EPB41L4A: variants seen among roughly 807,000 people sequenced by gnomAD.
EPB41L4A encodes band 4.1-like protein 4A.
A neutral mutation model predicts 108.6 loss-of-function variants in EPB41L4A; 100 were observed. The observed-to-expected ratio is 0.92, with a 90% CI of 0.78 to 1.09. The LOEUF is 1.09. EPB41L4A is among the 50% of genes least tolerant of loss of function. The probability of loss-of-function intolerance (pLI) is 0.00; values close to 1 mark genes in which losing one functional copy is unlikely to be tolerated. For synonymous variants in EPB41L4A, 319 were observed against 289.0 expected (o/e 1.10, Z -1.05); for missense variants, 1,030 against 842.7 (o/e 1.22, Z -2.75).
At chr5:112,386,388 G>C (rs1366292818) in intron 1 of EPB41L4A, among the ~76,000 whole-genome samples, 1 of 152,058 alleles carries the variant, frequency 6.6e-6, no homozygotes, top group Non-Finnish European at 1.5e-5. Context: ...AATTAATAAT[G>C]TTGATTTCCA....
chr5:112,151,947 G>C (rs1759484847), intron 12 of EPB41L4A, among the ~76,000 whole-genome samples: 1 of 152,098 alleles, frequency 6.6e-6, no homozygotes, highest in Non-Finnish European at 1.5e-5. Flanking sequence ...GGCCAGGCTG[G>C]TCTTGAATTC....
At chr5:112,286,492 T>C (rs1298964377) in intron 2 of EPB41L4A, among the ~76,000 whole-genome samples, 3 of 152,316 alleles carry the variant, frequency 2.0e-5, no homozygotes, top group South Asian at 4.1e-4. Context: ...CAACAACTCC[T>C]TTCCCTTCCT....
chr5:112,170,099 G>A (rs557928015), intron 20 of EPB41L4A: 197 of 555,320 alleles, frequency 3.5e-4, no homozygotes, highest in Middle Eastern at 1.4e-3. Context: ...CAAAGAGGTG[G>A]CTAATAAGAG....
At chr5:112,243,210 G>A (rs115515927) in intron 9 of EPB41L4A, among the ~76,000 whole-genome samples, 2,169 of 144,702 alleles carry the variant, frequency 0.015, 45 homozygotes, top group African/African-American at 0.058. Context: ...ATGAGACTCT[G>A]TCTCGAAAAT....
chr5:112,213,074 G>C (rs1484966162), intron 12 of EPB41L4A, among the ~76,000 whole-genome samples: 1 of 152,118 alleles, frequency 6.6e-6, no homozygotes, highest in African/African-American at 2.4e-5. Flanking sequence ...TAATTTTTAA[G>C]ATGAAGCATT....
Position 112,234,748 on chromosome 5 carries a change from T to A in EPB41L4A, c.973A>T (p.Thr325Ser). 6.2e-7 allele frequency: 1 copy of A among 1,610,254 alleles called. No individual in the cohort carries two copies. Among genetic ancestry groups the A allele is most frequent in the Non-Finnish European group, 8.5e-7 (1 of 1,177,434 alleles). Residue 325 changes from threonine to serine, a missense_variant, in exon 12 of 23, where the codon ACA (threonine) becomes TCA (serine). By Grantham distance (58) the Thr-to-Ser change is moderately conservative (BLOSUM62 1). Coordinates refer to ENST00000261486, the MANE Select transcript of EPB41L4A (RefSeq NM_022140.5). ...AGATCTCGGCTCATTTGCAAAGCTG[T>A]CCTGCCACTTGAGAGTGCAACATTT... ...IRYKHRYSGR[T>S]ALQMSRDLSI...
chr5:112,262,089 G>A (rs1256465854), intron 7 of EPB41L4A, among the ~76,000 whole-genome samples: 5 of 151,680 alleles, frequency 3.3e-5, no homozygotes, highest in Admixed American at 2.6e-4. Context: ...TCAGGGTTTC[G>A]CCATGTTGGC....
intron 8 of EPB41L4A, among the ~76,000 whole-genome samples, 173 bp from the exon 9 acceptor site, chr5:112,259,465 A>G (rs1228307334): frequency 1.3e-5 from 2 of 152,198 alleles, no homozygotes; most frequent in African/African-American, 4.8e-5. Flanking sequence ...TGAAAACTCC[A>G]TTCTCATTGT....
At chr5:112,211,295 G>C (rs1241358921) in intron 12 of EPB41L4A, among the ~76,000 whole-genome samples, 1 of 152,102 alleles carries the variant, frequency 6.6e-6, no homozygotes, top group Admixed American at 6.5e-5. Flanking sequence ...TCTTAAAAGG[G>C]CAAGTGGGCC....
chr5:112,318,711 C>A (rs1394259762), intron 1 of EPB41L4A, among the ~76,000 whole-genome samples: 1 of 152,166 alleles, frequency 6.6e-6, no homozygotes, highest in Non-Finnish European at 1.5e-5. Flanking sequence ...TAGTTTGTTA[C>A]AGAGCTACAC....
intron 1 of EPB41L4A, among the ~76,000 whole-genome samples, chr5:112,391,912 G>T (rs576371368): frequency 2.0e-4 from 31 of 152,276 alleles, no homozygotes; most frequent in Admixed American, 1.4e-3. Context: ...GAGAGTGGGG[G>T]CCAGTATTCA....
intron 7 of EPB41L4A, among the ~76,000 whole-genome samples, chr5:112,261,137 C>T (rs189719275): frequency 2.0e-5 from 3 of 152,262 alleles, no homozygotes; most frequent in African/African-American, 7.2e-5. Flanking sequence ...TAGCAGTATT[C>T]TTAAAGGACA....
intron 2 of EPB41L4A, among the ~76,000 whole-genome samples, chr5:112,296,492 A>G (rs1487302970): frequency 6.6e-6 from 1 of 152,182 alleles, no homozygotes; most frequent in Non-Finnish European, 1.5e-5. Flanking sequence ...TATATAAGAA[A>G]AAGGTAGAGT....
rs1028803586 is a variant in EPB41L4A, at chr5:112,163,160, G to T, written c.*1830C>A. ...TGTTGTCTAGACAAGAGACCAGCTT[G>T]GACTAGTAAAATTAGTGAAATAAGA... On this transcript the variant is annotated 3_prime_UTR_variant, in exon 23 of 23. Transcript: ENST00000261486. 1 of 152,162 alleles carries T rather than the reference G, an allele frequency of 6.6e-6. No individual in the cohort carries two copies. The highest frequency in any genetic ancestry group is 1.5e-5 in the Non-Finnish European group (1 of 68,034). The allele number at this position is 152,162 out of a possible 1,614,324, so 9.4% of individuals were successfully genotyped here. A position where few individuals can be genotyped will look rare whatever the true frequency, so the allele number is the denominator to read the frequency against.
intron 1 of EPB41L4A, among the ~76,000 whole-genome samples, chr5:112,337,310 T>G (rs1490862389): frequency 6.6e-6 from 1 of 152,204 alleles, no homozygotes; most frequent in African/African-American, 2.4e-5. Flanking sequence ...CAGTCTGGTC[T>G]AACACAATCT....
chr5:112,392,244 T>C (rs977739156), intron 1 of EPB41L4A, among the ~76,000 whole-genome samples: 2 of 151,816 alleles, frequency 1.3e-5, no homozygotes, highest in Non-Finnish European at 2.9e-5. Context: ...TAAATGTAAA[T>C]GAGCAAAATG....
intron 1 of EPB41L4A, among the ~76,000 whole-genome samples, chr5:112,317,450 G>C (rs1400872157): frequency 6.6e-6 from 1 of 152,202 alleles, no homozygotes; most frequent in East Asian, 1.9e-4. Flanking sequence ...AAAAGGCAGA[G>C]ACTCCAACCC....
intron 2 of EPB41L4A, among the ~76,000 whole-genome samples, chr5:112,293,496 C>T (rs1229777261): frequency 6.6e-6 from 1 of 152,158 alleles, no homozygotes; most frequent in Non-Finnish European, 1.5e-5. Context: ...AAATATTATA[C>T]ATGACCCATG....
chr5:112,297,095 A>AT (rs1053396175), intron 2 of EPB41L4A, among the ~76,000 whole-genome samples: 1 of 152,126 alleles, frequency 6.6e-6, no homozygotes, highest in Non-Finnish European at 1.5e-5. Flanking sequence ...CTGTGCTGCT[A>AT]TAAACATGGG....
Sources: gnomAD v4.1 joint callset for allele counts (sites outside exome capture counted in the v4.1 genomes callset) on GRCh38, gnomAD v4.1.1 for gene constraint, MANE v1.5 for transcripts, NCBI Gene and HGNC (gene_info 2026-07-23, HGNC 2026-07-21) for gene names.